The following CSMD1 variants were observed in gnomAD, a reference collection of about 807,000 sequenced individuals.
CSMD1 encodes CUB and Sushi multiple domains 1, also known as CUB and sushi domain-containing protein 1.
Under a neutral mutation model 417.5 loss-of-function variants are expected in CSMD1, and 213 were observed. The observed-to-expected ratio is 0.51, with a 90% confidence interval of 0.46 to 0.57. The LOEUF is 0.57. Ranked by LOEUF, CSMD1 falls within the 20% of genes least tolerant of loss-of-function variation. The pLI is 0.00. For missense variants in CSMD1, 6,923 were observed against 4,529.7 expected (o/e 1.53, Z -15.17); for synonymous variants, 2,862 against 1,736.8 (o/e 1.65, Z -16.11).
chr8:3,276,183 C>T (rs534282745), intron 26 of CSMD1, among the ~76,000 whole-genome samples: 40 of 152,160 alleles, frequency 2.6e-4, no homozygotes, highest in Non-Finnish European at 4.4e-4. Flanking sequence ...TTGGAGTACT[C>T]GGCCGTGTGA....
intron 3 of CSMD1, among the ~76,000 whole-genome samples, chr8:4,419,159 T>C (rs978428027): frequency 6.6e-6 from 1 of 152,198 alleles, no homozygotes; most frequent in African/African-American, 2.4e-5. Context: ...AAATAGGAAT[T>C]GGTTTACACC....
chr8:4,055,119 T>C (rs1432597933), intron 3 of CSMD1, among the ~76,000 whole-genome samples: 5 of 152,186 alleles, frequency 3.3e-5, no homozygotes, highest in African/African-American at 9.7e-5. Flanking sequence ...CTTTGTGTAG[T>C]AGATGATAGA....
chr8:4,289,160 C>G (rs915967647), intron 3 of CSMD1, among the ~76,000 whole-genome samples: 3 of 152,110 alleles, frequency 2.0e-5, no homozygotes, highest in Non-Finnish European at 2.9e-5. Context: ...CGTTCTAAGA[C>G]AGTGTATATT....
At chr8:4,474,441 A>T (rs935008572) in intron 2 of CSMD1, among the ~76,000 whole-genome samples, 2 of 152,188 alleles carry the variant, frequency 1.3e-5, no homozygotes, top group African/African-American at 4.8e-5. Context: ...TGAAAAAGAA[A>T]TTCTGTAGAA....
At chr8:3,247,707 A>G (rs1799978003) in intron 26 of CSMD1, among the ~76,000 whole-genome samples, 1 of 152,192 alleles carries the variant, frequency 6.6e-6, no homozygotes, top group South Asian at 2.1e-4. Context: ...ACATCTCCCA[A>G]CAGTTGAGAT....
chr8:4,549,896 CA>C (rs777040766), intron 2 of CSMD1, among the ~76,000 whole-genome samples: 8,932 of 87,868 alleles, frequency 0.1, 151 homozygotes, highest in East Asian at 0.14. Context: ...GACTTTGTCT[CA>C]AAAAAAAAAA....
At chr8:3,455,718 C>T (rs1158060848) in intron 12 of CSMD1, among the ~76,000 whole-genome samples, 2 of 152,204 alleles carry the variant, frequency 1.3e-5, no homozygotes, top group Non-Finnish European at 2.9e-5. Flanking sequence ...GTCAGACTGC[C>T]CCTACTGGGG....
intron 12 of CSMD1, among the ~76,000 whole-genome samples, chr8:3,430,103 G>A (rs62505601): frequency 0.1 from 15,834 of 151,940 alleles, 924 homozygotes; most frequent in African/African-American, 0.14. Context: ...ATACACACAT[G>A]CACATATACA....
intron 50 of CSMD1, among the ~76,000 whole-genome samples, chr8:3,042,159 T>C (rs914391704): frequency 1.3e-5 from 2 of 152,190 alleles, no homozygotes; most frequent in Non-Finnish European, 2.9e-5. Flanking sequence ...CTCATGCATC[T>C]GGTTAGCTGA....
At chr8:4,429,244 A>G (rs765118958) in intron 2 of CSMD1, among the ~76,000 whole-genome samples, 38 of 152,018 alleles carry the variant, frequency 2.5e-4, no homozygotes, top group Non-Finnish European at 3.5e-4. Context: ...TAAAAACATC[A>G]TGAGATTTCA....
intron 5 of CSMD1, among the ~76,000 whole-genome samples, chr8:3,976,117 C>G (rs1427202448): frequency 6.6e-6 from 1 of 151,690 alleles, no homozygotes; most frequent in Admixed American, 6.6e-5. Context: ...AGAGAAAATA[C>G]ATTACCTATA....
intron 1 of CSMD1, among the ~76,000 whole-genome samples, chr8:4,934,527 G>C (rs117201049): frequency 6.6e-6 from 1 of 152,108 alleles, no homozygotes; most frequent in Non-Finnish European, 1.5e-5. Context: ...GCTTTGAGCT[G>C]ACTTAAGTTG....
intron 5 of CSMD1, among the ~76,000 whole-genome samples, chr8:3,847,628 C>T (rs1009577417): frequency 1.3e-5 from 2 of 152,046 alleles, no homozygotes; most frequent in South Asian, 2.1e-4. Flanking sequence ...GATGGAGCCC[C>T]GAGAAAACAC....
chr8:4,912,923 C>G (rs1228844165), intron 1 of CSMD1, among the ~76,000 whole-genome samples: 5 of 152,080 alleles, frequency 3.3e-5, no homozygotes, highest in African/African-American at 1.2e-4. Context: ...GTAGCTGGGA[C>G]TACAGGCACC....
chr8:3,900,179 TAGCTGGGTAACAGTGC>T (rs1348920353), intron 5 of CSMD1, among the ~76,000 whole-genome samples: 3 of 151,118 alleles, frequency 2.0e-5, no homozygotes, highest in African/African-American at 7.3e-5. Flanking sequence ...GGTGACAGTG[TAGCTGGGTAACAGTGC>T]AGCTGGGTGA....
intron 2 of CSMD1, among the ~76,000 whole-genome samples, chr8:4,485,059 C>G (rs1225763866): frequency 2.1e-5 from 3 of 143,062 alleles, no homozygotes; most frequent in Non-Finnish European, 4.5e-5. Flanking sequence ...TTCCCATTTT[C>G]TACTCATTTC....
intron 3 of CSMD1, among the ~76,000 whole-genome samples, chr8:4,092,242 C>G (rs998642851): frequency 6.6e-6 from 1 of 152,078 alleles, no homozygotes; most frequent in Non-Finnish European, 1.5e-5. Flanking sequence ...GGAAGACAAA[C>G]AGGCAAAACC....
At chr8:4,569,434 G>A (rs1286465122) in intron 2 of CSMD1, among the ~76,000 whole-genome samples, 1 of 152,150 alleles carries the variant, frequency 6.6e-6, no homozygotes, top group Non-Finnish European at 1.5e-5. Context: ...TGTCAGGTTT[G>A]TCAAACATCA....
intron 25 of CSMD1, 98 bp downstream of exon 25, chr8:3,307,597 A>G: frequency 7.4e-7 from 1 of 1,347,042 alleles, no homozygotes; most frequent in Non-Finnish European, 1.0e-6. Flanking sequence ...TAGTTCAGAA[A>G]CTTTAACCAT....
Sources: allele counts gnomAD v4.1 joint callset (sites outside exome capture counted in the v4.1 genomes callset), GRCh38; gene constraint gnomAD v4.1.1; transcripts MANE v1.5; gene names NCBI Gene and HGNC (gene_info 2026-07-23, HGNC 2026-07-21).